The following PARD3 variants were observed in gnomAD, a reference collection of about 807,000 sequenced individuals.
PARD3 encodes the protein par-3 family cell polarity regulator, also known as partitioning defective 3 homolog.
A neutral mutation model predicts 155.4 loss-of-function variants in PARD3; 75 were observed. That is an observed-to-expected ratio of 0.48 (90% CI 0.40 to 0.58). The LOEUF (loss-of-function observed/expected upper bound fraction) is 0.58. PARD3 is among the 20% of genes least tolerant of loss of function. The pLI, the probability that PARD3 is intolerant of heterozygous loss-of-function variation, is 0.00. For synonymous variants in PARD3, 576 were observed against 610.5 expected (o/e 0.94, Z 0.83); for missense variants, 1,642 against 1,721.7 (o/e 0.95, Z 0.82).
intron 2 of PARD3, among the ~76,000 whole-genome samples, chr10:34,572,405 G>A (rs1444064137): frequency 3.3e-5 from 5 of 152,144 alleles, no homozygotes; most frequent in South Asian, 2.1e-4. Context: ...CTGGGAGGCC[G>A]AGGCAAGCGG....
intron 1 of PARD3, among the ~76,000 whole-genome samples, chr10:34,767,101 A>C (rs1838198021): frequency 6.6e-6 from 1 of 152,152 alleles, no homozygotes; most frequent in African/African-American, 2.4e-5. Context: ...AGGCTACAGA[A>C]ACCCTCTGGA....
chr10:34,374,985 T>C lies in PARD3; in HGVS notation c.1557A>G (p.Leu519=). The change falls in exon 11 of 25, where the codon TTA becomes TTG. Residue 519 remains leucine (L), a synonymous_variant. Transcript: ENST00000374788. ...DRLIEVNGVD[L]VGKSQEEVVS... Reference sequence around the variant, plus strand: ...CAACTTCCTCTTGGGATTTGCCCACTAAATCTACTCCATTTACCTAAAACA... The same window carrying C: ...CAACTTCCTCTTGGGATTTGCCCACCAAATCTACTCCATTTACCTAAAACA... 1.9e-6 allele frequency: 3 copies of C among 1,613,362 alleles called. No individual in the cohort carries two copies. The highest frequency in any genetic ancestry group is 2.5e-6 in the Non-Finnish European group (3 of 1,179,816).
At chr10:34,183,604 T>C (rs1188886934) in intron 22 of PARD3, among the ~76,000 whole-genome samples, 1 of 152,160 alleles carries the variant, frequency 6.6e-6, no homozygotes, top group Non-Finnish European at 1.5e-5. Context: ...GATAACACCA[T>C]GTGTTCAAAA....
chr10:34,166,854 T>G (rs1949553117), intron 22 of PARD3, among the ~76,000 whole-genome samples: 1 of 152,170 alleles, frequency 6.6e-6, no homozygotes, highest in Admixed American at 6.5e-5. Context: ...TTTTCCTCCA[T>G]TTCTCCTTAA....
At chr10:34,543,316 T>G (rs2083791194) in intron 2 of PARD3, among the ~76,000 whole-genome samples, 1 of 152,000 alleles carries the variant, frequency 6.6e-6, no homozygotes, top group Non-Finnish European at 1.5e-5. Flanking sequence ...ATGTTTCTAT[T>G]TAACATAAAT....
intron 22 of PARD3, among the ~76,000 whole-genome samples, chr10:34,163,280 T>C (rs1222086618): frequency 1.3e-5 from 2 of 151,994 alleles, no homozygotes; most frequent in African/African-American, 4.8e-5. Flanking sequence ...CCACAAGGCG[T>C]GGGAGAAAAC....
chr10:34,366,505 G>A (rs1327761786), intron 12 of PARD3, among the ~76,000 whole-genome samples: 1 of 152,018 alleles, frequency 6.6e-6, no homozygotes, highest in Non-Finnish European at 1.5e-5. Flanking sequence ...GCTGTTGCTT[G>A]GGACAAAGAT....
intron 20 of PARD3, among the ~76,000 whole-genome samples, chr10:34,285,241 A>G (rs1956329887): frequency 6.6e-6 from 1 of 152,218 alleles, no homozygotes. Context: ...AATAACATCA[A>G]TCTGGCGTAC....
chr10:34,365,030 G>A (rs1043711447), intron 12 of PARD3, among the ~76,000 whole-genome samples: 5 of 152,172 alleles, frequency 3.3e-5, no homozygotes, highest in African/African-American at 9.7e-5. Flanking sequence ...CTGGTGTGGT[G>A]AAATGCGCAT....
At chr10:34,308,597 G>C (rs181136205) in intron 20 of PARD3, among the ~76,000 whole-genome samples, 56 of 152,266 alleles carry the variant, frequency 3.7e-4, no homozygotes, top group African/African-American at 1.3e-3. Flanking sequence ...AGCAGTTTGC[G>C]GGGAGGGGGA....
intron 22 of PARD3, among the ~76,000 whole-genome samples, chr10:34,225,547 T>A (rs911236162): frequency 3.3e-5 from 5 of 152,190 alleles, no homozygotes; most frequent in African/African-American, 1.2e-4. Context: ...GGTTTCACCA[T>A]GTTGGCCAGG....
At chr10:34,522,375 CCATG>C (rs2082202174) in intron 2 of PARD3, among the ~76,000 whole-genome samples, 1 of 152,020 alleles carries the variant, frequency 6.6e-6, no homozygotes, top group African/African-American at 2.4e-5. Flanking sequence ...GCATTCTGAC[CCATG>C]TCAGCCTTCT....
rs1292327206 is a variant in PARD3 at position 34,565,519 on chromosome 10, G to GGC, written c.223-48362_223-48361dup. 7.2e-5 allele frequency among the ~76,000 whole-genome samples: 11 copies of GGC among 151,968 alleles called. No individual in the cohort carries two copies. The East Asian group carries it at 1.9e-3, about 27-fold the overall frequency. ...TGACCTCAAGTGATCCGCCCGCCTC[G>GGC]GCCTCCCAAGTGCTGGGATTAGAGA... On this transcript the variant is annotated intron_variant, in intron 2 of 24. Transcript: ENST00000374788.
intron 2 of PARD3, among the ~76,000 whole-genome samples, chr10:34,668,363 G>A (rs556254432): frequency 6.6e-6 from 1 of 152,298 alleles, no homozygotes; most frequent in South Asian, 2.1e-4. Context: ...TTTTGTGGGT[G>A]CTCTCTACCT....
chr10:34,348,083 C>T lies in PARD3; in HGVS notation c.2100G>A (p.Glu700=). 6.2e-7 allele frequency: 1 copy of T among 1,611,806 alleles called. No individual in the cohort carries two copies. The highest frequency in any genetic ancestry group is 1.1e-5 in the South Asian group (1 of 90,352). Residue 700 remains glutamate (E), a synonymous_variant, in exon 15 of 25, where the codon GAG becomes GAA. Transcript: ENST00000374788. ...LKSPGSPPGP[E]LPIETALDDR... ...CATCCAACGCTGTTTCAATGGGCAG[C>T]TCAGGTCCAGGGGGGCTCCCAGGTG...
At chr10:34,506,045 G>A (rs1019607992) in intron 3 of PARD3, among the ~76,000 whole-genome samples, 4 of 152,070 alleles carry the variant, frequency 2.6e-5, no homozygotes, top group Non-Finnish European at 5.9e-5. Context: ...AGAATCACTT[G>A]AACCCAGGAG....
intron 2 of PARD3, among the ~76,000 whole-genome samples, chr10:34,649,599 C>A (rs1203507727): frequency 6.6e-6 from 1 of 152,220 alleles, no homozygotes; most frequent in Non-Finnish European, 1.5e-5. Context: ...GGAAGTTGCC[C>A]TGGGTGAGTG....
chr10:34,382,791 C>T lies in PARD3; in HGVS notation c.1148G>A (p.Ser383Asn). Residue 383 changes from serine (S) to asparagine (N), a missense_variant, in exon 9 of 25, where the codon AGC becomes AAC. By Grantham distance (46) the Ser-to-Asn change is conservative (BLOSUM62 1). Around this residue, in one of 3 missense-constraint regions of PARD3, gnomAD observed 1,529 missense variants for 1,587.3 expected, o/e 0.96. Transcript: ENST00000374788. ...GTTGTCAATATACTGGCTGTCAGGG[C>T]TAAAACGGCTTGAATAGTAATTGTT... ...EKNNYYSSRF[S>N]PDSQYIDNRS... 6.2e-7 allele frequency: 1 copy of T among 1,614,186 alleles called. No individual in the cohort carries two copies. Among genetic ancestry groups the T allele is most frequent in the African/African-American group, 1.3e-5 (1 of 75,040 alleles).
intron 3 of PARD3, among the ~76,000 whole-genome samples, chr10:34,508,618 C>T (rs2081224569): frequency 1.3e-5 from 2 of 152,128 alleles, no homozygotes; most frequent in African/African-American, 2.4e-5. Context: ...TGCACCTGAA[C>T]TGTGTGACCC....
Sources: allele counts gnomAD v4.1 joint callset (sites outside exome capture counted in the v4.1 genomes callset), GRCh38; gene constraint gnomAD v4.1.1; regional missense constraint gnomAD v4.1.1; transcripts MANE v1.5; gene names NCBI Gene and HGNC (gene_info 2026-07-23, HGNC 2026-07-21).